Variants in PTMS observed in about 807,000 individuals in gnomAD.
PTMS encodes the protein parathymosin.
A neutral mutation model predicts 18.4 loss-of-function variants in PTMS; 5 were observed. The ratio of observed to expected loss-of-function variants is 0.27; its 90% CI spans 0.14 to 0.57. The LOEUF (loss-of-function observed/expected upper bound fraction) is 0.57. PTMS is among the 20% of genes least tolerant of loss of function. The probability of loss-of-function intolerance (pLI) is 0.92; values close to 1 mark genes in which losing one functional copy is unlikely to be tolerated. For synonymous variants in PTMS, 53 were observed against 47.7 expected, an observed-to-expected ratio of 1.11 and a Z score of -0.46; for missense variants, 93 against 124.6, an observed-to-expected ratio of 0.75 and a Z score of 1.21.
intron 1 of PTMS, among the ~76,000 whole-genome samples, chr12:6,768,425 C>G (rs1303381697): frequency 6.6e-6 from 1 of 152,148 alleles, no homozygotes; most frequent in Non-Finnish European, 1.5e-5. Context: ...CTGAGCTACC[C>G]TTAAAGGGAG....
Position 6,766,671 on chromosome 12 carries a change from G to A in PTMS, c.-35G>A. ...CCCTCCGTCTCGGCCCCGGGACCCC[G>A]GCTCCCCGCCAGCCCCGGCCCCGGC... On this transcript the variant is annotated 5_prime_UTR_variant, in exon 1 of 5. Coordinates refer to ENST00000309083, the MANE Select transcript of PTMS (RefSeq NM_002824.6). The A allele has an allele frequency of 9.0e-7, 1 of 1,114,004 alleles. No homozygotes were observed. The highest frequency in any genetic ancestry group is 7.0e-5 in the East Asian group (1 of 14,280). The allele number at this position is 1,114,004 out of a possible 1,614,324, so 69.0% of individuals were successfully genotyped here.
intron 1 of PTMS, among the ~76,000 whole-genome samples, chr12:6,768,590 C>G (rs1941800988): frequency 6.6e-6 from 1 of 152,200 alleles, no homozygotes; most frequent in Non-Finnish European, 1.5e-5. Flanking sequence ...ACACCAACAC[C>G]AGATCAGATC....
chr12:6,770,668 T>G lies in PTMS; in HGVS notation c.*226T>G, dbSNP rs767218229. On this transcript the variant is annotated 3_prime_UTR_variant, in exon 5 of 5. Coordinates refer to ENST00000309083, the MANE Select transcript of PTMS (RefSeq NM_002824.6). This position sits in a 1 kb window ranked among gnomAD's most constrained non-coding sequence, Gnocchi z 7.3. ...CTCCTGACCTGCTCCATCTGAGCTC[T>G]CCAGCTGGCCCCCAATTGCTCCTCT... 1 of 601,906 alleles carries G rather than the reference T, an allele frequency of 1.7e-6. No homozygotes were observed. Among genetic ancestry groups the G allele is most frequent in the Non-Finnish European group, 3.0e-6 (1 of 338,200 alleles). 37.3% of individuals were successfully genotyped at this position (601,906 alleles called of 1,614,324 possible).
At chr12:6,768,757 G>A (rs1941802261) in intron 1 of PTMS, among the ~76,000 whole-genome samples, 1 of 152,170 alleles carries the variant, frequency 6.6e-6, no homozygotes, top group African/African-American at 2.4e-5. Context: ...ATCTTGGGGT[G>A]AAGGAGAGGG....
intron 1 of PTMS, among the ~76,000 whole-genome samples, chr12:6,768,341 G>A (rs972747226): frequency 2.0e-5 from 3 of 152,174 alleles, no homozygotes; most frequent in Admixed American, 6.5e-5. Context: ...ATGCCATACT[G>A]ACCTTGTGGC....
chr12:6,769,940 A>C lies in PTMS; in HGVS notation c.137A>C (p.Glu46Ala), dbSNP rs751128951. ...CCACAGGAGGAGGAGAACGGGGCTGAGGAGGAAGAAGAAGAAACTGCCGAG... is the reference window on the plus strand; with the variant it reads ...CCACAGGAGGAGGAGAACGGGGCTGCGGAGGAAGAAGAAGAAACTGCCGAG... ...EVVEEEENGA[E>A]EEEEETAEDG... Residue 46 changes from glutamate (E) to alanine (A), a missense_variant, in exon 3 of 5, where the codon GAG becomes GCG. Glu to Ala is a moderately radical substitution (Grantham distance 107). Transcript: ENST00000309083. 1 of 1,555,464 alleles carries C rather than the reference A, an allele frequency of 6.4e-7. No individual in the cohort carries two copies. The highest frequency in any genetic ancestry group is 1.2e-5 in the South Asian group (1 of 84,806).
Position 6,770,608 on chromosome 12 carries a change from C to G in PTMS, c.*166C>G. 1.3e-6 allele frequency: 1 copy of G among 755,260 alleles called. No homozygotes were observed. Among genetic ancestry groups the G allele is most frequent in the South Asian group, 1.7e-5 (1 of 58,422 alleles). 46.8% of individuals were successfully genotyped at this position (755,260 alleles called of 1,614,324 possible). Reference sequence around the variant, plus strand: ...CTTCTCATTTCCGCCTCTCCAGACACTGCGCCCTCCACCCTCACTCTGCCA... The same window carrying G: ...CTTCTCATTTCCGCCTCTCCAGACAGTGCGCCCTCCACCCTCACTCTGCCA... On this transcript the variant is annotated 3_prime_UTR_variant, in exon 5 of 5. Coordinates refer to ENST00000309083, the MANE Select transcript of PTMS (RefSeq NM_002824.6). This position sits in a 1 kb window ranked among gnomAD's most constrained non-coding sequence, Gnocchi z 7.3.
chr12:6,767,621 G>C (rs1473662478), intron 1 of PTMS: 1 of 133,978 alleles, frequency 7.5e-6, no homozygotes, highest in Non-Finnish European at 1.6e-5. Flanking sequence ...CGCGGTGGTT[G>C]CTGAGGGGCC....
chr12:6,766,956 C>T (rs1237740728), intron 1 of PTMS, among the ~76,000 whole-genome samples: 1 of 151,658 alleles, frequency 6.6e-6, no homozygotes. Flanking sequence ...CTGCCCTGCG[C>T]GCACCACGGC....
chr12:6,768,350 G>T (rs558539709), intron 1 of PTMS, among the ~76,000 whole-genome samples: 1 of 152,266 alleles, frequency 6.6e-6, no homozygotes, highest in South Asian at 2.1e-4. Flanking sequence ...TGACCTTGTG[G>T]CACAGAAATG....
At chr12:6,768,519 C>T (rs765686085) in intron 1 of PTMS, among the ~76,000 whole-genome samples, 1 of 152,166 alleles carries the variant, frequency 6.6e-6, no homozygotes, top group Non-Finnish European at 1.5e-5. Context: ...AGGACCCCCC[C>T]GCCCAGGGTG....
intron 2 of PTMS, 23 bp from the exon 3 acceptor site, chr12:6,769,898 A>G: frequency 6.4e-7 from 1 of 1,569,270 alleles, no homozygotes; most frequent in Non-Finnish European, 8.6e-7. Context: ...GCCTGAGGCT[A>G]CTCCCTCTCC....
rs765644791 is a variant in PTMS at position 6,766,585 on chromosome 12, T to TCGCCGCCGC, written c.-113_-105dup. 2.2e-6 allele frequency: 1 copy of TCGCCGCCGC among 462,836 alleles called. No homozygotes were observed. The highest frequency in any genetic ancestry group is 2.2e-5 in the African/African-American group (1 of 45,272). The allele number at this position is 462,836 out of a possible 1,614,324, so 28.7% of individuals were successfully genotyped here. A position where few individuals can be genotyped will look rare whatever the true frequency, so the allele number is the denominator to read the frequency against. On this transcript the variant is annotated 5_prime_UTR_variant, in exon 1 of 5. Coordinates refer to ENST00000309083, the MANE Select transcript of PTMS (RefSeq NM_002824.6). ...TGCCGAGCGGCCGCCGCTGCCGCTG[T>TCGCCGCCGC]CGCCGCCGCCGCCGCCACCGCGCCA...
chr12:6,766,479 C>T lies in PTMS; in HGVS notation c.-227C>T, dbSNP rs1941765951. ...GCCCTTCCGCCCGCCCTCCGGACGG[C>T]CGCAGCCCTGCGGGTCTCCGCTCCA... On this transcript the variant is annotated 5_prime_UTR_variant, in exon 1 of 5. Coordinates refer to ENST00000309083, the MANE Select transcript of PTMS (RefSeq NM_002824.6). The T allele has an allele frequency of 1.2e-5, 3 of 259,862 alleles. No individual in the cohort carries two copies. The highest frequency in any genetic ancestry group is 1.1e-4 in the South Asian group (3 of 27,384). The allele number at this position is 259,862 out of a possible 1,614,324, so 16.1% of individuals were successfully genotyped here.
intron 1 of PTMS, among the ~76,000 whole-genome samples, chr12:6,768,447 G>A (rs371537734): frequency 2.0e-5 from 3 of 152,304 alleles, no homozygotes; most frequent in African/African-American, 7.2e-5. Context: ...AGGGAATTGA[G>A]TGCCCCCCAG....
intron 2 of PTMS, 90 bp downstream of exon 2, chr12:6,769,764 C>T: frequency 1.3e-6 from 2 of 1,599,172 alleles, no homozygotes; most frequent in Non-Finnish European, 1.7e-6. Context: ...TCCGAGGGTG[C>T]TGGGTCCTGC....
chr12:6,766,552 A>T lies in PTMS; in HGVS notation c.-154A>T. The T allele has an allele frequency of 3.6e-6, 1 of 275,826 alleles. No individual in the cohort carries two copies. The highest frequency in any genetic ancestry group is 1.7e-4 in the East Asian group (1 of 5,918). The allele number at this position is 275,826 out of a possible 1,614,324, so 17.1% of individuals were successfully genotyped here. On this transcript the variant is annotated 5_prime_UTR_variant, in exon 1 of 5. Coordinates refer to ENST00000309083, the MANE Select transcript of PTMS (RefSeq NM_002824.6). ...CGCGCCTCTGCCGCCTCTTCCAGAG[A>T]CCCAGCTTGCCGAGCGGCCGCCGCT...
intron 1 of PTMS, among the ~76,000 whole-genome samples, chr12:6,768,245 T>C (rs1194315852): frequency 1.3e-5 from 2 of 152,188 alleles, no homozygotes; most frequent in Non-Finnish European, 2.9e-5. Flanking sequence ...ATACAGACTT[T>C]TGGTGCTGGG....
chr12:6,770,479 G>A lies in PTMS; in HGVS notation c.*37G>A, dbSNP rs775634818. On this transcript the variant is annotated 3_prime_UTR_variant, in exon 5 of 5. Transcript: ENST00000309083. The surrounding 1 kb of genome is among the most constrained non-coding windows in gnomAD (Gnocchi z 7.3). ...CAGGCTGGGGTTGGGAGGCCTCTCT[G>A]GGCCTGGAGGTGGGGGTGGGGGCAG... 1 of 1,604,702 alleles carries A rather than the reference G, an allele frequency of 6.2e-7. No homozygotes were observed. The highest frequency in any genetic ancestry group is 8.5e-7 in the Non-Finnish European group (1 of 1,171,958).
Sources: gnomAD v4.1 joint callset for allele counts (sites outside exome capture counted in the v4.1 genomes callset) on GRCh38, gnomAD v4.1.1 for gene constraint, Gnocchi (gnomAD v3.1) non-coding constraint, MANE v1.5 for transcripts, NCBI Gene and HGNC (gene_info 2026-07-23, HGNC 2026-07-21) for gene names.